AGBL4: variants seen among roughly 807,000 people sequenced by gnomAD.
AGBL4 encodes cytosolic carboxypeptidase 6.
AGBL4 carries 58 observed loss-of-function variants against 66.4 expected under a neutral mutation model. The ratio of observed to expected loss-of-function variants is 0.87; its 90% CI spans 0.71 to 1.09. The LOEUF is 1.09. Among genes scored for constraint, AGBL4 ranks in the 50% least tolerant of loss-of-function variants. AGBL4 has a pLI of 0.00. For synonymous variants in AGBL4, 234 were observed against 222.9 expected (o/e 1.05, Z -0.44); for missense variants, 579 against 631.0 (o/e 0.92, Z 0.88).
chr1:49,439,267 G>A (rs572991042), intron 3 of AGBL4, among the ~76,000 whole-genome samples: 82 of 152,262 alleles, frequency 5.4e-4, no homozygotes, highest in Non-Finnish European at 1.1e-3. Flanking sequence ...CTGGGTGATA[G>A]CCATCAGAAA....
chr1:49,471,985 C>A (rs1646755122), intron 3 of AGBL4: 1 of 152,018 alleles, frequency 6.6e-6, no homozygotes, highest in Non-Finnish European at 1.5e-5. Flanking sequence ...GGTACCAGAA[C>A]TTTTACTCAC....
intron 3 of AGBL4, among the ~76,000 whole-genome samples, chr1:49,376,730 G>A (rs545052564): frequency 1.3e-5 from 2 of 151,966 alleles, no homozygotes; most frequent in African/African-American, 4.8e-5. Flanking sequence ...TCATTTTAGA[G>A]GGGATCTTCC....
chr1:49,485,996 G>A (rs1007305218), intron 3 of AGBL4, among the ~76,000 whole-genome samples: 1 of 151,942 alleles, frequency 6.6e-6, no homozygotes, highest in African/African-American at 2.4e-5. Context: ...GTAACACAAA[G>A]CATAAGTGCT....
chr1:49,837,486 C>G (rs1645880778), intron 2 of AGBL4, among the ~76,000 whole-genome samples: 1 of 152,178 alleles, frequency 6.6e-6, no homozygotes, highest in African/African-American at 2.4e-5. Context: ...TTAAGCATGA[C>G]CTAGTTCAGT....
chr1:49,278,602 A>T (rs931968779), intron 3 of AGBL4, among the ~76,000 whole-genome samples: 7 of 152,126 alleles, frequency 4.6e-5, no homozygotes, highest in Admixed American at 2.6e-4. Flanking sequence ...AGCTAATGGC[A>T]AATATTTATG....
At chr1:49,159,255 C>G (rs1646495394) in intron 4 of AGBL4, among the ~76,000 whole-genome samples, 1 of 151,972 alleles carries the variant, frequency 6.6e-6, no homozygotes, top group Non-Finnish European at 1.5e-5. Context: ...TAAGGCAGGC[C>G]TGCTGGTGAC....
intron 6 of AGBL4, among the ~76,000 whole-genome samples, chr1:48,734,187 T>C (rs568424363): frequency 2.0e-5 from 3 of 152,236 alleles, no homozygotes; most frequent in African/African-American, 7.2e-5. Flanking sequence ...CTAAATCAAT[T>C]AATCCGGAGT....
In AGBL4 at chr1:49,845,188, C is replaced by T. The variant is rs1025146953; in HGVS notation, c.157+6208G>A. 38 of 1,435,208 alleles carry T rather than the reference C, an allele frequency of 2.6e-5. 1 individual carries two copies. The highest frequency in any genetic ancestry group is 1.8e-4 in the Middle Eastern group (1 of 5,708). The allele number at this position is 1,435,208 out of a possible 1,614,324, so 88.9% of individuals were successfully genotyped here. A position where few individuals can be genotyped will look rare whatever the true frequency, so the allele number is the denominator to read the frequency against. On this transcript the variant is annotated intron_variant, in intron 2 of 13. Transcript: ENST00000371839. ...ATGTCACAAATGAGGAAAAGTCTTCCGAAACAGCTCGGCACTTACCAAACA... is the reference window on the plus strand; with the variant it reads ...ATGTCACAAATGAGGAAAAGTCTTCTGAAACAGCTCGGCACTTACCAAACA...
intron 5 of AGBL4, among the ~76,000 whole-genome samples, chr1:48,955,181 A>C (rs1657332353): frequency 6.6e-6 from 1 of 152,108 alleles, no homozygotes; most frequent in African/African-American, 2.4e-5. Flanking sequence ...GTCCTCCTCC[A>C]TGGCTCACCC....
chr1:49,144,376 G>T (rs1646175037), intron 4 of AGBL4, among the ~76,000 whole-genome samples: 1 of 151,914 alleles, frequency 6.6e-6, no homozygotes, highest in African/African-American at 2.4e-5. Context: ...TAGGATCAGG[G>T]GTTGCTCTTC....
intron 2 of AGBL4, among the ~76,000 whole-genome samples, chr1:49,826,265 C>T (rs1645508021): frequency 6.6e-6 from 1 of 152,088 alleles, no homozygotes; most frequent in Admixed American, 6.6e-5. Flanking sequence ...AAGGAATTAA[C>T]TAGTACATAT....
chr1:49,561,407 T>C lies in AGBL4; in HGVS notation c.282+135906A>G, dbSNP rs1310307915. ...GTGCCATGTTGGTGTGCTGCACCCA[T>C]TGACTCGTCATTTAGCATTAGGTGT... On this transcript the variant is annotated intron_variant, in intron 3 of 13. Transcript: ENST00000371839. Among the ~76,000 whole-genome samples, 3 of 151,868 alleles carry C rather than the reference T, an allele frequency of 2.0e-5. No individual in the cohort carries two copies. The East Asian group carries it at 5.8e-4, about 29-fold the overall frequency.
intron 1 of AGBL4, among the ~76,000 whole-genome samples, chr1:49,852,866 C>A (rs1646340286): frequency 6.6e-6 from 1 of 151,252 alleles, no homozygotes; most frequent in Admixed American, 6.6e-5. Flanking sequence ...CCCCTTCCCT[C>A]AAAAATAAAA....
chr1:48,652,811 G>A (rs922317634), intron 8 of AGBL4, among the ~76,000 whole-genome samples: 7 of 152,134 alleles, frequency 4.6e-5, no homozygotes, highest in Non-Finnish European at 8.8e-5. Context: ...GTGAGTGTGG[G>A]GCTGGCTGGT....
At chr1:49,414,842 A>G (rs1050088330) in intron 3 of AGBL4, among the ~76,000 whole-genome samples, 2 of 152,172 alleles carry the variant, frequency 1.3e-5, no homozygotes, top group Non-Finnish European at 2.9e-5. Flanking sequence ...AGATGTATGT[A>G]AAGTATTTAA....
At chr1:48,862,443 T>A (rs1458395895) in intron 6 of AGBL4, among the ~76,000 whole-genome samples, 1 of 152,192 alleles carries the variant, frequency 6.6e-6, no homozygotes, top group Non-Finnish European at 1.5e-5. Flanking sequence ...TGCCTCAGCC[T>A]CCCGAGTAGA....
At chr1:49,063,728 T>A (rs1272138375) in intron 4 of AGBL4, among the ~76,000 whole-genome samples, 1 of 152,190 alleles carries the variant, frequency 6.6e-6, no homozygotes, top group African/African-American at 2.4e-5. Flanking sequence ...CACAGGGTTG[T>A]GAAGAAAGGC....
intron 1 of AGBL4, among the ~76,000 whole-genome samples, chr1:49,930,868 C>A (rs1653271837): frequency 6.6e-6 from 1 of 152,106 alleles, no homozygotes; most frequent in African/African-American, 2.4e-5. Flanking sequence ...TCTACATCAA[C>A]CATTTGTATT....
chr1:49,597,083 A>G (rs1248131043), intron 3 of AGBL4, among the ~76,000 whole-genome samples: 1 of 152,240 alleles, frequency 6.6e-6, no homozygotes, highest in Non-Finnish European at 1.5e-5. Flanking sequence ...AATTACTACA[A>G]TGAACACCTA....
Sources: allele counts gnomAD v4.1 joint callset (sites outside exome capture counted in the v4.1 genomes callset), GRCh38; gene constraint gnomAD v4.1.1; transcripts MANE v1.5; gene names NCBI Gene and HGNC (gene_info 2026-07-23, HGNC 2026-07-21).